Variants in MIDEAS observed in about 807,000 individuals in gnomAD.
The protein encoded by MIDEAS is mitotic deacetylase associated SANT domain protein.
Under a neutral mutation model 102.7 loss-of-function variants are expected in MIDEAS, and 26 were observed. The ratio of observed to expected loss-of-function variants is 0.25; its 90% CI spans 0.19 to 0.35. The LOEUF is 0.35. MIDEAS is among the 10% of genes least tolerant of loss of function. The pLI, the probability that MIDEAS is intolerant of heterozygous loss-of-function variation, is 1.00. For synonymous variants in MIDEAS, 585 were observed against 591.0 expected (o/e 0.99, Z 0.15); for missense variants, 1,231 against 1,435.6 (o/e 0.86, Z 2.30).
intron 11 of MIDEAS, 114 bp from the exon 12 acceptor site, chr14:73,719,615 C>CA (rs2052956074): frequency 1.9e-6 from 2 of 1,038,672 alleles, no homozygotes; most frequent in East Asian, 5.2e-5. Flanking sequence ...GCCAAACAGT[C>CA]ACCTAGCATG....
Position 73,740,249 on chromosome 14 carries a change from C to A in MIDEAS, c.-241G>T. 1 of 429,380 alleles carries A rather than the reference C, an allele frequency of 2.3e-6. No individual in the cohort carries two copies. Among genetic ancestry groups the A allele is most frequent in the Non-Finnish European group, 4.0e-6 (1 of 252,542 alleles). 26.6% of individuals were successfully genotyped at this position (429,380 alleles called of 1,614,324 possible). A position where few individuals can be genotyped will look rare whatever the true frequency, so the allele number is the denominator to read the frequency against. ...CCAGTTCATGATGCTCCACAGGGTT[C>A]TGGCACCTGCAGAGGGAAGAGCAGT... On this transcript the variant is annotated 5_prime_UTR_variant, in exon 2 of 13. Coordinates refer to ENST00000423556, the MANE Select transcript of MIDEAS (RefSeq NM_001367710.1).
intron 10 of MIDEAS, 173 bp downstream of exon 10, chr14:73,722,525 C>CAGT (rs1330435040): frequency 6.6e-6 from 4 of 606,076 alleles, no homozygotes; most frequent in Non-Finnish European, 1.1e-5. Flanking sequence ...ATGACACCAG[C>CAGT]AGTATAGAGA....
Position 73,749,067 on chromosome 14 carries a change from C to T in MIDEAS, c.-247-8812G>A, listed in dbSNP as rs754687679. On this transcript the variant is annotated intron_variant, in intron 1 of 12. Transcript: ENST00000423556. Reference sequence around the variant, plus strand: ...ACTCTACTTTCAACAACGAACAGTACGACTAAATAGAAGATCGACAAGGAA... The same window carrying T: ...ACTCTACTTTCAACAACGAACAGTATGACTAAATAGAAGATCGACAAGGAA... Among the ~76,000 whole-genome samples the T allele has an allele frequency of 7.2e-5, 11 of 151,986 alleles. No individual in the cohort carries two copies. The South Asian group carries it at 1.2e-3, about 17-fold the overall frequency.
At chr14:73,781,375 C>T (rs1271741154) in intron 1 of MIDEAS, among the ~76,000 whole-genome samples, 3 of 152,186 alleles carry the variant, frequency 2.0e-5, no homozygotes, top group East Asian at 1.9e-4. Context: ...TCAGTTTATA[C>T]ATAACTTTTC....
intron 11 of MIDEAS, 74 bp from the exon 12 acceptor site, chr14:73,719,575 C>G (rs2052955246): frequency 1.4e-6 from 2 of 1,473,918 alleles, no homozygotes; most frequent in Admixed American, 3.9e-5. Flanking sequence ...TCGCAGGGAA[C>G]CGGGGGCCTG....
chr14:73,738,068 G>C (rs2053226281), intron 2 of MIDEAS, among the ~76,000 whole-genome samples: 1 of 152,048 alleles, frequency 6.6e-6, no homozygotes, highest in Non-Finnish European at 1.5e-5. Flanking sequence ...ATAGGCATAA[G>C]CCACTGCGCC....
rs2053529399 is a variant in MIDEAS at position 73,759,424 on chromosome 14, G to T, written c.-248+339C>A. Among the ~76,000 whole-genome samples, 3 of 151,092 alleles carry T rather than the reference G, an allele frequency of 2.0e-5. No individual in the cohort carries two copies. Among genetic ancestry groups the T allele is most frequent in the Non-Finnish European group, 1.5e-5 (1 of 67,690 alleles). Reference sequence around the variant, plus strand: ...CCGCCGGGTGGGGAGGGCTTTCCTGGCGGGGCCGCGCCCGGGTGGGCGGGG... The same window carrying T: ...CCGCCGGGTGGGGAGGGCTTTCCTGTCGGGGCCGCGCCCGGGTGGGCGGGG... On this transcript the variant is annotated intron_variant, in intron 1 of 12. Coordinates refer to ENST00000423556, the MANE Select transcript of MIDEAS (RefSeq NM_001367710.1). The surrounding 1 kb of genome is among the most constrained non-coding windows in gnomAD (Gnocchi z 6.7).
In MIDEAS at chr14:73,725,227, G is replaced by A; in HGVS notation, c.2574+45C>T. 1 of 1,533,884 alleles carries A rather than the reference G, an allele frequency of 6.5e-7. No individual in the cohort carries two copies. Among genetic ancestry groups the A allele is most frequent in the Non-Finnish European group, 9.0e-7 (1 of 1,107,104 alleles). On this transcript the variant is annotated intron_variant, in intron 9 of 12. Coordinates refer to ENST00000423556, the MANE Select transcript of MIDEAS (RefSeq NM_001367710.1). This position sits in a 1 kb window ranked among gnomAD's most constrained non-coding sequence, Gnocchi z 4.1. Reference sequence around the variant, plus strand: ...GCAGAGGGAGCCCCAAAGTCACACAGGCAGCTCCTGGCCCTCATTTGCCCT... The same window carrying A: ...GCAGAGGGAGCCCCAAAGTCACACAAGCAGCTCCTGGCCCTCATTTGCCCT...
chr14:73,731,496 C>A (rs1280539241), intron 3 of MIDEAS, among the ~76,000 whole-genome samples: 1 of 151,830 alleles, frequency 6.6e-6, no homozygotes, highest in Non-Finnish European at 1.5e-5. Flanking sequence ...AATGCAGGAG[C>A]CAAAGGCCCC....
chr14:73,782,620 G>A (rs1001518454), intron 1 of MIDEAS, among the ~76,000 whole-genome samples: 4 of 152,132 alleles, frequency 2.6e-5, no homozygotes, highest in Admixed American at 1.3e-4. Context: ...ATAAGCCACC[G>A]CACCTGGCTG....
intron 11 of MIDEAS, among the ~76,000 whole-genome samples, chr14:73,720,236 C>CT (rs33980532): frequency 0.15 from 17,146 of 116,786 alleles, 1,789 homozygotes; most frequent in South Asian, 0.23. Context: ...ACACACATTC[C>CT]TTTTTTTTTT....
In MIDEAS at chr14:73,742,156, C is replaced by T. The variant is rs1231421832; in HGVS notation, c.-247-1901G>A. On this transcript the variant is annotated intron_variant, in intron 1 of 12. Coordinates refer to ENST00000423556, the MANE Select transcript of MIDEAS (RefSeq NM_001367710.1). The surrounding 1 kb of genome is among the most constrained non-coding windows in gnomAD (Gnocchi z 4.4). Reference sequence around the variant, plus strand: ...CATCAAGCCCACAGAACTAGAAGTGCGTGTCTGCAGAAGCAAGACAGAGAA... The same window carrying T: ...CATCAAGCCCACAGAACTAGAAGTGTGTGTCTGCAGAAGCAAGACAGAGAA... Among the ~76,000 whole-genome samples the T allele has an allele frequency of 3.3e-5, 5 of 152,254 alleles. No individual in the cohort carries two copies. Among genetic ancestry groups the T allele is most frequent in the South Asian group, 2.1e-4 (1 of 4,832 alleles).
chr14:73,726,692 G>A lies in MIDEAS; in HGVS notation c.2321C>T (p.Thr774Ile). 1 of 1,614,228 alleles carries A rather than the reference G, an allele frequency of 6.2e-7. No individual in the cohort carries two copies. ...AGGGAAAATGCTGGAGCAGGCGGCT[G>A]TCAGCAGGTCTTCCACTGGATCCAC... Reference protein sequence around the residue: ...EKQRQVEDLLTAACSSIFPGA... With the variant: ...EKQRQVEDLLIAACSSIFPGA... The change falls in exon 7 of 13, where the codon ACA becomes ATA. Residue 774 changes from threonine to isoleucine, a missense_variant. Coordinates refer to ENST00000423556, the MANE Select transcript of MIDEAS (RefSeq NM_001367710.1).
chr14:73,756,295 T>TGCGCGCGCGCGCGC (rs1555344807), intron 1 of MIDEAS, among the ~76,000 whole-genome samples: 1 of 127,716 alleles, frequency 7.8e-6, no homozygotes, highest in African/African-American at 2.7e-5. Context: ...TGTGTGTGTG[T>TGCGCGCGCGCGCGC]GCGCGCGCGC....
chr14:73,752,953 C>T (rs1394436240), intron 1 of MIDEAS, among the ~76,000 whole-genome samples: 1 of 152,222 alleles, frequency 6.6e-6, no homozygotes, highest in Non-Finnish European at 1.5e-5. Context: ...GGCCCCAGGT[C>T]AGACCCAGCA....
Position 73,725,099 on chromosome 14 carries a change from G to GA in MIDEAS, c.2574+172dup, listed in dbSNP as rs761104771. 1.6e-6 allele frequency: 1 copy of GA among 606,742 alleles called. No individual in the cohort carries two copies. Among genetic ancestry groups the GA allele is most frequent in the South Asian group, 1.8e-5 (1 of 54,532 alleles). 37.6% of individuals were successfully genotyped at this position (606,742 alleles called of 1,614,324 possible). A position where few individuals can be genotyped will look rare whatever the true frequency, so the allele number is the denominator to read the frequency against. ...GGAAAGGATGCTTAGAACCAAAAGG[G>GA]AAAAGAGACCTATCTTTCTCTTTCT... On this transcript the variant is annotated intron_variant, in intron 9 of 12. Transcript: ENST00000423556. The surrounding 1 kb of genome is among the most constrained non-coding windows in gnomAD (Gnocchi z 4.1).
chr14:73,756,940 A>AT (rs1457061481), intron 1 of MIDEAS, among the ~76,000 whole-genome samples: 2 of 151,966 alleles, frequency 1.3e-5, no homozygotes, highest in African/African-American at 2.4e-5. Flanking sequence ...ACAAGTACAC[A>AT]TTTTTTTTGA....
At chr14:73,749,627 C>T (rs2053397754) in intron 1 of MIDEAS, among the ~76,000 whole-genome samples, 1 of 149,564 alleles carries the variant, frequency 6.7e-6, no homozygotes, top group South Asian at 2.1e-4. Context: ...ACAAGGAACA[C>T]TCTCTACAAT....
intron 1 of MIDEAS, among the ~76,000 whole-genome samples, chr14:73,740,872 C>A (rs369631863): frequency 6.6e-6 from 1 of 152,264 alleles, no homozygotes; most frequent in Admixed American, 6.5e-5. Flanking sequence ...GGAGCTCCAA[C>A]AGACCCTTGT....
Sources: gnomAD v4.1 joint callset for allele counts (sites outside exome capture counted in the v4.1 genomes callset) on GRCh38, gnomAD v4.1.1 for gene constraint, Gnocchi (gnomAD v3.1) non-coding constraint, MANE v1.5 for transcripts, NCBI Gene and HGNC (gene_info 2026-07-23, HGNC 2026-07-21) for gene names.